Variants in UGT2A1 observed in about 807,000 individuals in gnomAD.
UGT2A1 encodes UDP-glucuronosyltransferase 2A1.
UGT2A1 carries 61 observed loss-of-function variants against 45.4 expected under a neutral mutation model. The observed-to-expected ratio is 1.34, with a 90% CI of 1.09 to 1.66. The LOEUF (loss-of-function observed/expected upper bound fraction) is 1.66. UGT2A1 is among the 40% of genes most tolerant of loss of function. The pLI, the probability that UGT2A1 is intolerant of heterozygous loss-of-function variation, is 0.00. For synonymous variants in UGT2A1, 229 were observed against 196.2 expected (o/e 1.17, Z -1.40); for missense variants, 649 against 574.3 (o/e 1.13, Z -1.33).
At chr4:69,592,095 A>G (rs141365500) in intron 6 of UGT2A1, among the ~76,000 whole-genome samples, 52 of 152,300 alleles carry the variant, frequency 3.4e-4, no homozygotes, top group African/African-American at 1.3e-3. Flanking sequence ...TGAATACATT[A>G]GCCCTCGTGT....
At chr4:69,595,387 T>A (rs1718862918) in intron 4 of UGT2A1, 138 bp from the exon 5 acceptor site, 2 of 921,980 alleles carry the variant, frequency 2.2e-6, no homozygotes, top group Non-Finnish European at 1.6e-6. Context: ...AACGTTGAGA[T>A]ACGTAGTAGG....
chr4:69,620,838 C>T (rs1720710712), intron 3 of UGT2A1, among the ~76,000 whole-genome samples: 1 of 151,674 alleles, frequency 6.6e-6, no homozygotes, highest in African/African-American at 2.4e-5. Context: ...AATAAGGCTA[C>T]ACACCTAACA....
chr4:69,599,554 T>A, intron 3 of UGT2A1, 160 bp from the exon 4 acceptor site: 2 of 1,048,884 alleles, frequency 1.9e-6, no homozygotes, highest in Non-Finnish European at 2.5e-6. Context: ...AAGGAGAAAT[T>A]AAAGAGGATG....
At position 69,594,701 on chromosome 4, in the gene UGT2A1, T is replaced by C. The variant is rs779235745; in HGVS notation, c.1085-5A>G. 10 of 1,611,604 alleles carry C rather than the reference T, an allele frequency of 6.2e-6. No individual in the cohort carries two copies. In the East Asian group the frequency reaches 1.1e-4, roughly 18 times the overall value. On this transcript the variant is annotated splice_polypyrimidine_tract_variant and splice_region_variant and intron_variant, in intron 5 of 6. Coordinates refer to ENST00000286604, the MANE Select transcript of UGT2A1 (RefSeq NM_001252275.3). The stretch of plus-strand genomic sequence containing the variant: ...AAGCTTTGGTTTTGGGATGTCCTAA[T>C]TTGAGGATGGAGTGAGAAGTGGGTG...
At chr4:69,590,924 G>T (rs1718562437) in intron 6 of UGT2A1, among the ~76,000 whole-genome samples, 1 of 152,088 alleles carries the variant, frequency 6.6e-6, no homozygotes, top group Non-Finnish European at 1.5e-5. Context: ...AAATGTAATT[G>T]TTAATGTTTA....
At chr4:69,596,744 C>G (rs535050739) in intron 4 of UGT2A1, among the ~76,000 whole-genome samples, 51 of 152,224 alleles carry the variant, frequency 3.4e-4, no homozygotes, top group African/African-American at 1.2e-3. Flanking sequence ...CTGGTCTCCA[C>G]CTCCTGGCCT....
intron 3 of UGT2A1, among the ~76,000 whole-genome samples, chr4:69,633,931 T>C (rs1265266376): frequency 6.6e-6 from 1 of 152,068 alleles, no homozygotes; most frequent in African/African-American, 2.4e-5. Flanking sequence ...GATTTATGTT[T>C]TGCAGAAAGA....
At chr4:69,609,155 A>ACTTT (rs1553904679) in intron 3 of UGT2A1, among the ~76,000 whole-genome samples, 1 of 142,272 alleles carries the variant, frequency 7.0e-6, no homozygotes, top group Non-Finnish European at 1.5e-5. Context: ...AATATATAAG[A>ACTTT]TTTTTTTTTT....
At chr4:69,651,033 A>G (rs1722500949) in intron 1 of UGT2A1, among the ~76,000 whole-genome samples, 1 of 152,240 alleles carries the variant, frequency 6.6e-6, no homozygotes, top group African/African-American at 2.4e-5. Context: ...TGTGGAGTAC[A>G]TAATAGACGC....
chr4:69,598,696 G>T (rs1303170607), intron 4 of UGT2A1, among the ~76,000 whole-genome samples: 3 of 151,998 alleles, frequency 2.0e-5, no homozygotes, highest in African/African-American at 4.8e-5. Context: ...ACTCACCATT[G>T]TCAACTCAAA....
At chr4:69,611,275 G>GGC (rs1720029076) in intron 3 of UGT2A1, among the ~76,000 whole-genome samples, 1 of 102,112 alleles carries the variant, frequency 9.8e-6, no homozygotes, top group Middle Eastern at 5.6e-3. Flanking sequence ...TCTCCCAGTA[G>GGC]GTCACCTCCA....
intron 3 of UGT2A1, among the ~76,000 whole-genome samples, chr4:69,619,114 C>G (rs183949583): frequency 4.0e-5 from 6 of 151,776 alleles, no homozygotes; most frequent in African/African-American, 7.3e-5. Flanking sequence ...TTTTAATATA[C>G]AGGCCACCTG....
chr4:69,639,302 T>A (rs1721914383), intron 2 of UGT2A1: 2 of 1,613,730 alleles, frequency 1.2e-6, no homozygotes, highest in Non-Finnish European at 1.7e-6. Flanking sequence ...AGAAAGCCCA[T>A]ATTGTGAGAG....
chr4:69,601,163 T>G (rs1356662867), intron 3 of UGT2A1, among the ~76,000 whole-genome samples: 4 of 152,154 alleles, frequency 2.6e-5, no homozygotes, highest in Non-Finnish European at 5.9e-5. Flanking sequence ...ACTCCCCATG[T>G]GGATTCTTCT....
chr4:69,638,999 G>A (rs1245213282), intron 2 of UGT2A1: 1 of 1,613,164 alleles, frequency 6.2e-7, no homozygotes, highest in Non-Finnish European at 8.5e-7. Flanking sequence ...TTTCACCAAA[G>A]GTCATCTGGT....
intron 3 of UGT2A1, among the ~76,000 whole-genome samples, chr4:69,608,962 T>G (rs1185148102): frequency 1.3e-5 from 2 of 152,132 alleles, no homozygotes; most frequent in Non-Finnish European, 2.9e-5. Flanking sequence ...TTTTTTAATT[T>G]CATAGTAGAA....
rs764080705 is a variant in UGT2A1, at chr4:69,596,225, T to TA, written c.997-977dup. 2.0e-6 allele frequency: 3 copies of TA among 1,488,856 alleles called. No individual in the cohort carries two copies. The South Asian group carries it at 4.3e-5, about 21-fold the overall frequency. 92.2% of individuals were successfully genotyped at this position (1,488,856 alleles called of 1,614,324 possible). On this transcript the variant is annotated intron_variant, in intron 4 of 6. Transcript: ENST00000286604. ...TCTCTCCCATTAGTAAAAAGCTGTG[T>TA]ACCAGGATTCCAGGCTGTACTGACC...
intron 3 of UGT2A1, among the ~76,000 whole-genome samples, chr4:69,604,357 G>A (rs1258930211): frequency 7.3e-6 from 1 of 136,322 alleles, no homozygotes; most frequent in Non-Finnish European, 1.6e-5. Flanking sequence ...ATACTTTAGA[G>A]ACAAGCAAAT....
intron 6 of UGT2A1, among the ~76,000 whole-genome samples, chr4:69,594,092 A>G (rs1367892256): frequency 6.7e-6 from 1 of 149,994 alleles, no homozygotes; most frequent in Non-Finnish European, 1.5e-5. Context: ...CTCCTGCCTC[A>G]GCCTCCTGAG....
Sources: allele counts gnomAD v4.1 joint callset (sites outside exome capture counted in the v4.1 genomes callset), GRCh38; gene constraint gnomAD v4.1.1; transcripts MANE v1.5; gene names NCBI Gene and HGNC (gene_info 2026-07-23, HGNC 2026-07-21).